CREB5: variants seen among roughly 807,000 people sequenced by gnomAD.
CREB5 encodes cAMP responsive element binding protein 5.
In CREB5, 19 loss-of-function variants were observed where a neutral mutation model predicts 57.1. That is an observed-to-expected ratio of 0.33 (90% confidence interval 0.23 to 0.49). The LOEUF is 0.49. Among genes scored for constraint, CREB5 ranks in the 20% least tolerant of loss-of-function variants. CREB5 has a pLI of 0.99. For missense variants in CREB5, 579 were observed against 671.6 expected (o/e 0.86, Z 1.52); for synonymous variants, 238 against 238.3 (o/e 1.00, Z 0.01).
chr7:28,561,808 ATC>A (rs1328778613), intron 4 of CREB5, among the ~76,000 whole-genome samples: 1 of 152,134 alleles, frequency 6.6e-6, no homozygotes, highest in Non-Finnish European at 1.5e-5. Context: ...CAGTGGTGCA[ATC>A]TCAGCTCATT....
chr7:28,595,311 C>T (rs1357216187), intron 5 of CREB5, among the ~76,000 whole-genome samples: 1 of 152,102 alleles, frequency 6.6e-6, no homozygotes, highest in Non-Finnish European at 1.5e-5. Context: ...GCCCATCACC[C>T]TCACTATGCC....
intron 4 of CREB5, among the ~76,000 whole-genome samples, chr7:28,553,552 T>G (rs1794752409): frequency 6.6e-6 from 1 of 152,196 alleles, no homozygotes; most frequent in Non-Finnish European, 1.5e-5. Context: ...GCATTAAGTG[T>G]GACACAATCT....
intron 1 of CREB5, among the ~76,000 whole-genome samples, chr7:28,464,990 C>T (rs1790505140): frequency 6.6e-6 from 1 of 152,142 alleles, no homozygotes; most frequent in African/African-American, 2.4e-5. Context: ...CTCAGATAAC[C>T]TGGACACTTA....
chr7:28,684,001 G>T (rs1043089178), intron 5 of CREB5, among the ~76,000 whole-genome samples: 4 of 150,912 alleles, frequency 2.7e-5, no homozygotes, highest in African/African-American at 9.7e-5. Flanking sequence ...GGGGAGGGGA[G>T]ATTTGGGGGG....
At chr7:28,311,691 C>CGCT (rs1383643661) in intron 1 of CREB5, among the ~76,000 whole-genome samples, 1 of 152,208 alleles carries the variant, frequency 6.6e-6, no homozygotes, top group Non-Finnish European at 1.5e-5. Context: ...GAGCCCTGGG[C>CGCT]GCTGGTCCTG....
At chr7:28,541,575 G>A (rs1435400430) in intron 4 of CREB5, among the ~76,000 whole-genome samples, 3 of 152,284 alleles carry the variant, frequency 2.0e-5, no homozygotes, top group South Asian at 2.1e-4. Context: ...GCTGAGGGAG[G>A]AGAATCACTT....
At chr7:28,495,575 C>T (rs932465829) in intron 3 of CREB5, among the ~76,000 whole-genome samples, 37 of 151,892 alleles carry the variant, frequency 2.4e-4, no homozygotes, top group African/African-American at 8.7e-4. Flanking sequence ...TAATCACACT[C>T]GAGCAACAAA....
At chr7:28,813,729 T>C (rs1009836714) in intron 9 of CREB5, among the ~76,000 whole-genome samples, 1 of 152,202 alleles carries the variant, frequency 6.6e-6, no homozygotes, top group African/African-American at 2.4e-5. Context: ...GAGTGCTTGC[T>C]GAAAGTATGT....
rs1554344299 is a variant in CREB5 at position 28,560,855 on chromosome 7, T to TGCGTGCGCGC, written c.292-9509_292-9508insCGTGCGCGCG. Among the ~76,000 whole-genome samples, 335 of 56,400 alleles carry TGCGTGCGCGC rather than the reference T, an allele frequency of 5.9e-3. 36 individuals carry two copies. The highest frequency in any genetic ancestry group is 8.9e-3 in the Non-Finnish European group (253 of 28,460). The allele number at this position is 56,400 out of a possible 152,430, so 37.0% of individuals were successfully genotyped here. On this transcript the variant is annotated intron_variant, in intron 4 of 10. Transcript: ENST00000357727. Reference sequence around the variant, plus strand: ...GCGCGTGTGTGTGTGCGCGTGTGTGTGTGCGTGTGCCTGCGTGCGCGTGCG... The same window carrying TGCGTGCGCGC: ...GCGCGTGTGTGTGTGCGCGTGTGTGTGCGTGCGCGCGTGCGTGTGCCTGCGTGCGCGTGCG...
intron 1 of CREB5, among the ~76,000 whole-genome samples, chr7:28,325,252 C>T (rs1211084773): frequency 1.3e-5 from 2 of 152,120 alleles, no homozygotes; most frequent in Non-Finnish European, 2.9e-5. Flanking sequence ...GTCAGGAGAT[C>T]GAGACCATCT....
intron 1 of CREB5, among the ~76,000 whole-genome samples, chr7:28,417,016 A>G (rs981319688): frequency 6.6e-6 from 1 of 152,196 alleles, no homozygotes; most frequent in Non-Finnish European, 1.5e-5. Context: ...AGCTCTGTCC[A>G]TTCGTGGCTC....
intron 5 of CREB5, among the ~76,000 whole-genome samples, chr7:28,598,947 A>G (rs761155291): frequency 1.1e-4 from 17 of 152,182 alleles, no homozygotes; most frequent in African/African-American, 1.4e-4. Context: ...CAACAGGCAA[A>G]ATGAAACTCA....
chr7:28,729,440 C>A (rs922695532), intron 7 of CREB5, among the ~76,000 whole-genome samples: 1 of 152,204 alleles, frequency 6.6e-6, no homozygotes, highest in African/African-American at 2.4e-5. Flanking sequence ...GGTTGCATAT[C>A]CACTTCGTTT....
chr7:28,538,339 C>G (rs1432756393), intron 4 of CREB5, among the ~76,000 whole-genome samples: 1 of 152,206 alleles, frequency 6.6e-6, no homozygotes, highest in Non-Finnish European at 1.5e-5. Flanking sequence ...CAGACGTGAG[C>G]CACCGTGCCT....
In CREB5 at chr7:28,821,504, T is replaced by G. The variant is rs1381440695; in HGVS notation, c.*2225T>G. On this transcript the variant is annotated 3_prime_UTR_variant, in exon 11 of 11. Transcript: ENST00000357727. ...AAAGAAAAGAGAAAAAAAGAAAAAA[T>G]GCAAATGGAATAATTTTCTATTATA... 2 of 146,918 alleles carry G rather than the reference T, an allele frequency of 1.4e-5. No individual in the cohort carries two copies. Among genetic ancestry groups the G allele is most frequent in the Non-Finnish European group, 3.0e-5 (2 of 66,434 alleles). 9.1% of individuals were successfully genotyped at this position (146,918 alleles called of 1,614,324 possible). A position where few individuals can be genotyped will look rare whatever the true frequency, so the allele number is the denominator to read the frequency against.
Position 28,598,692 on chromosome 7 carries a change from A to G in CREB5, c.464+28155A>G, listed in dbSNP as rs1333916953. Among the ~76,000 whole-genome samples the G allele has an allele frequency of 3.9e-5, 6 of 151,998 alleles. No homozygotes were observed. In the South Asian group the frequency reaches 1.2e-3, roughly 32 times the overall value. Reference sequence around the variant, plus strand: ...ACTCCATCTTTGCCTCACTCTATCCATCATTATTTTATCCCTCTGTTGAGT... The same window carrying G: ...ACTCCATCTTTGCCTCACTCTATCCGTCATTATTTTATCCCTCTGTTGAGT... On this transcript the variant is annotated intron_variant, in intron 5 of 10. Coordinates refer to ENST00000357727, the MANE Select transcript of CREB5 (RefSeq NM_182898.4).
At chr7:28,303,790 G>A (rs184394956) in intron 1 of CREB5, among the ~76,000 whole-genome samples, 1 of 152,238 alleles carries the variant, frequency 6.6e-6, no homozygotes, top group South Asian at 2.1e-4. Context: ...ATAAGAATTT[G>A]AGAAATGTGG....
intron 7 of CREB5, chr7:28,726,593 T>A (rs980948445): frequency 6.6e-6 from 1 of 152,144 alleles, no homozygotes; most frequent in Non-Finnish European, 1.5e-5. Context: ...AACTATGGGC[T>A]TTGTTGTTCT....
At chr7:28,609,516 A>G (rs763207914) in intron 5 of CREB5, among the ~76,000 whole-genome samples, 10 of 152,254 alleles carry the variant, frequency 6.6e-5, no homozygotes, top group Non-Finnish European at 8.8e-5. Context: ...AAATAGAACA[A>G]TCCTCTTGCA....
Sources: gnomAD v4.1 joint callset for allele counts (sites outside exome capture counted in the v4.1 genomes callset) on GRCh38, gnomAD v4.1.1 for gene constraint, MANE v1.5 for transcripts, NCBI Gene and HGNC (gene_info 2026-07-23, HGNC 2026-07-21) for gene names.